ZBTB7C: variants seen among roughly 807,000 people sequenced by gnomAD.
ZBTB7C encodes zinc finger and BTB domain containing 7C.
Under a neutral mutation model 25.7 loss-of-function variants are expected in ZBTB7C, and 8 were observed. The observed-to-expected ratio is 0.31, with a 90% CI of 0.18 to 0.56. ZBTB7C has a LOEUF of 0.56. ZBTB7C is among the 20% of genes least tolerant of loss of function. The probability of loss-of-function intolerance (pLI) is 0.91; values close to 1 mark genes in which losing one functional copy is unlikely to be tolerated. For missense variants in ZBTB7C, 824 were observed against 855.2 expected (o/e 0.96, Z 0.46); for synonymous variants, 394 against 369.0 (o/e 1.07, Z -0.78).
chr18:48,391,215 G>A (rs1263242900), intron 1 of ZBTB7C, among the ~76,000 whole-genome samples: 1 of 152,192 alleles, frequency 6.6e-6, no homozygotes, highest in Non-Finnish European at 1.5e-5. Flanking sequence ...GCCAAGTGAA[G>A]GGACATCCTC....
chr18:48,233,639 G>T (rs192952721), intron 2 of ZBTB7C, among the ~76,000 whole-genome samples: 2 of 152,190 alleles, frequency 1.3e-5, no homozygotes, highest in African/African-American at 4.8e-5. Flanking sequence ...ACTCAGAAAC[G>T]CAGCTACAAC....
intron 3 of ZBTB7C, among the ~76,000 whole-genome samples, chr18:48,070,145 C>G (rs2037488668): frequency 6.6e-6 from 1 of 152,210 alleles, no homozygotes; most frequent in Admixed American, 6.5e-5. Context: ...AGGGACTTAT[C>G]CCTTCACTCA....
intron 3 of ZBTB7C, among the ~76,000 whole-genome samples, chr18:48,081,946 G>A (rs1303363093): frequency 6.8e-6 from 1 of 146,790 alleles, no homozygotes; most frequent in East Asian, 1.9e-4. Flanking sequence ...GATATACTGA[G>A]TTAAAATATA....
intron 3 of ZBTB7C, among the ~76,000 whole-genome samples, chr18:48,041,896 A>T (rs1433982516): frequency 2.0e-5 from 3 of 152,218 alleles, no homozygotes; most frequent in Non-Finnish European, 4.4e-5. Context: ...TTAATTTTTC[A>T]TGTCTAAATT....
At chr18:48,363,900 C>T (rs2047167978) in intron 1 of ZBTB7C, among the ~76,000 whole-genome samples, 1 of 152,042 alleles carries the variant, frequency 6.6e-6, no homozygotes, top group Admixed American at 6.6e-5. Context: ...CTCTCTCCCC[C>T]TTAATAAAAC....
At chr18:48,347,194 C>T (rs1333478978) in intron 1 of ZBTB7C, among the ~76,000 whole-genome samples, 1 of 142,870 alleles carries the variant, frequency 7.0e-6, no homozygotes, top group Non-Finnish European at 1.5e-5. Flanking sequence ...CAACTTCCTC[C>T]TCCTGGATTC....
At chr18:48,282,831 G>A (rs572287575) in intron 2 of ZBTB7C, among the ~76,000 whole-genome samples, 1 of 152,306 alleles carries the variant, frequency 6.6e-6, no homozygotes, top group African/African-American at 2.4e-5. Context: ...TAAAAGTCAG[G>A]ACAATGGTTA....
chr18:48,361,154 G>A (rs560432606), intron 1 of ZBTB7C, among the ~76,000 whole-genome samples: 14 of 152,242 alleles, frequency 9.2e-5, no homozygotes, highest in South Asian at 6.2e-4. Context: ...ATCTCCCTGC[G>A]TCAGGCCAAA....
intron 2 of ZBTB7C, among the ~76,000 whole-genome samples, chr18:48,271,000 T>G (rs1243696946): frequency 6.6e-6 from 1 of 152,152 alleles, no homozygotes; most frequent in Non-Finnish European, 1.5e-5. Context: ...AACACAATTT[T>G]CTTTAAAACT....
intron 3 of ZBTB7C, among the ~76,000 whole-genome samples, chr18:48,167,305 G>A (rs1007212972): frequency 6.6e-6 from 1 of 152,096 alleles, no homozygotes; most frequent in Admixed American, 6.5e-5. Flanking sequence ...TTCACCCTTT[G>A]GCGCCAGAAC....
At chr18:48,059,410 C>A (rs963256258) in intron 3 of ZBTB7C, among the ~76,000 whole-genome samples, 2 of 152,106 alleles carry the variant, frequency 1.3e-5, no homozygotes, top group Non-Finnish European at 2.9e-5. Flanking sequence ...TTGGCTGGTA[C>A]CCTCCTAAGT....
chr18:48,117,321 T>C (rs1166511923), intron 3 of ZBTB7C, among the ~76,000 whole-genome samples: 1 of 152,188 alleles, frequency 6.6e-6, no homozygotes, highest in African/African-American at 2.4e-5. Flanking sequence ...TGGGAGTTAA[T>C]GGAGAGGCGT....
intron 1 of ZBTB7C, among the ~76,000 whole-genome samples, chr18:48,347,506 G>C (rs930145631): frequency 1.3e-5 from 2 of 152,072 alleles, no homozygotes; most frequent in Admixed American, 6.5e-5. Context: ...AGAGCAACAC[G>C]TGTGCACCCA....
At chr18:48,041,505 C>G in intron 3 of ZBTB7C, 1 of 985,394 alleles carries the variant, frequency 1.0e-6, no homozygotes, top group Non-Finnish European at 1.2e-6. Context: ...GGAACAGGAC[C>G]CACCTCTGTG....
chr18:48,303,320 A>C (rs550630496), intron 2 of ZBTB7C, among the ~76,000 whole-genome samples: 3 of 152,082 alleles, frequency 2.0e-5, no homozygotes, highest in South Asian at 2.1e-4. Context: ...AGGCTCCCCA[A>C]CCTCCCTCTG....
chr18:48,367,347 CATATAT>C (rs58569472), intron 1 of ZBTB7C, among the ~76,000 whole-genome samples: 6 of 44,836 alleles, frequency 1.3e-4, no homozygotes, highest in East Asian at 6.4e-4. Flanking sequence ...TATATGTGTG[CATATAT>C]ATATATATAT....
chr18:48,028,681 G>C lies in ZBTB7C; in HGVS notation c.*579C>G, dbSNP rs1156296112. 6.5e-6 allele frequency: 1 copy of C among 154,216 alleles called. No individual in the cohort carries two copies. The highest frequency in any genetic ancestry group is 1.4e-5 in the Non-Finnish European group (1 of 69,778). The allele number at this position is 154,216 out of a possible 1,614,324, so 9.6% of individuals were successfully genotyped here. On this transcript the variant is annotated 3_prime_UTR_variant, in exon 5 of 5. Transcript: ENST00000590800. The stretch of plus-strand genomic sequence containing the variant: ...CACAGGACAGGTCAGGGAAGAAATG[G>C]CCCGGGCCTTCCAGAGCCTGGTTCC...
rs117248333 is a variant in ZBTB7C at position 48,168,076 on chromosome 18, A to C, written c.-17+17858T>G. ...GGACAACACACTCTGAGGGTGCCACAGTCAATATTCGCTTCACTGAGCTTC... is the reference window on the plus strand; with the variant it reads ...GGACAACACACTCTGAGGGTGCCACCGTCAATATTCGCTTCACTGAGCTTC... On this transcript the variant is annotated intron_variant, in intron 3 of 4. Transcript: ENST00000590800. Among the ~76,000 whole-genome samples the C allele has an allele frequency of 5.2e-3, 790 of 152,338 alleles. 2 individuals are homozygous for C. The highest frequency in any genetic ancestry group is 0.01 in the Middle Eastern group (3 of 294).
At chr18:48,409,167 G>T (rs1406173897) in intron 1 of ZBTB7C, 59 bp downstream of exon 1, 4 of 149,036 alleles carry the variant, frequency 2.7e-5, no homozygotes, top group African/African-American at 4.9e-5. Context: ...CTGCCGAGGT[G>T]CTGTGGAGAT....
Sources: allele counts gnomAD v4.1 joint callset (sites outside exome capture counted in the v4.1 genomes callset), GRCh38; gene constraint gnomAD v4.1.1; transcripts MANE v1.5; gene names NCBI Gene and HGNC (gene_info 2026-07-23, HGNC 2026-07-21).